PALLD: variants seen among roughly 807,000 people sequenced by gnomAD.
The protein encoded by PALLD is palladin.
A neutral mutation model predicts 123.5 loss-of-function variants in PALLD; 61 were observed. The observed-to-expected ratio is 0.49, with a 90% CI of 0.40 to 0.61. The LOEUF (loss-of-function observed/expected upper bound fraction) is 0.61, where lower values mean the gene tolerates loss of function less well. Ranked by LOEUF, PALLD falls within the 20% of genes least tolerant of loss-of-function variation. The pLI, the probability that PALLD is intolerant of heterozygous loss-of-function variation, is 0.00. For missense variants in PALLD, 1,273 were observed against 1,377.0 expected (o/e 0.92, Z 1.20); for synonymous variants, 465 against 496.4 (o/e 0.94, Z 0.84).
chr4:168,569,818 A>G lies in PALLD; in HGVS notation c.908+57406A>G, dbSNP rs113416206. 8.0e-3 allele frequency among the ~76,000 whole-genome samples: 1,219 copies of G among 152,220 alleles called. 9 individuals carry two copies. Among genetic ancestry groups the G allele is most frequent in the African/African-American group, 0.028 (1,143 of 41,524 alleles). On this transcript the variant is annotated intron_variant, in intron 2 of 21. Coordinates refer to ENST00000505667, the MANE Select transcript of PALLD (RefSeq NM_001166108.2). ...TTTGTATAAATTGACCACACCCTTC[A>G]TTAACTCTTCTGCTGCCTAGAAAAT...
chr4:168,584,952 G>C (rs1019234343), intron 2 of PALLD, among the ~76,000 whole-genome samples: 3 of 152,192 alleles, frequency 2.0e-5, no homozygotes, highest in Non-Finnish European at 4.4e-5. Flanking sequence ...GGAATGTCTA[G>C]TAGAGTTCCC....
At chr4:168,778,850 A>G (rs1735520277) in intron 10 of PALLD, among the ~76,000 whole-genome samples, 1 of 152,220 alleles carries the variant, frequency 6.6e-6, no homozygotes, top group African/African-American at 2.4e-5. Context: ...TTGTACAGGC[A>G]GAGTCTCACT....
At chr4:168,561,875 G>GA (rs904228393) in intron 2 of PALLD, among the ~76,000 whole-genome samples, 6 of 151,408 alleles carry the variant, frequency 4.0e-5, no homozygotes, top group Admixed American at 1.3e-4. Context: ...ATGTCCGTGG[G>GA]AAAAAAAAGA....
Position 168,925,229 on chromosome 4 carries a change from G to T in PALLD, c.3359-4G>T. 3 of 1,605,476 alleles carry T rather than the reference G, an allele frequency of 1.9e-6. No individual in the cohort carries two copies. The highest frequency in any genetic ancestry group is 2.6e-6 in the Non-Finnish European group (3 of 1,172,346). ...TATTGCTCTCTCTCTCTTTCTATTT[G>T]TAGTTTCTCGACATTAATAGTGAAC... On this transcript the variant is annotated splice_region_variant and splice_polypyrimidine_tract_variant and intron_variant, in intron 20 of 21. Coordinates refer to ENST00000505667, the MANE Select transcript of PALLD (RefSeq NM_001166108.2).
intron 21 of PALLD, 77 bp downstream of exon 21, chr4:168,925,355 T>C: frequency 9.0e-7 from 1 of 1,110,300 alleles, no homozygotes; most frequent in Non-Finnish European, 1.4e-6. Flanking sequence ...AGTTGTGGCT[T>C]CCTTACTCAA....
At chr4:168,727,560 A>G (rs978636283) in intron 10 of PALLD, among the ~76,000 whole-genome samples, 4 of 151,628 alleles carry the variant, frequency 2.6e-5, no homozygotes, top group Admixed American at 2.6e-4. Flanking sequence ...TTTAAATGGG[A>G]TTCTTTTTTA....
intron 10 of PALLD, among the ~76,000 whole-genome samples, chr4:168,794,613 T>A (rs1028254380): frequency 3.3e-5 from 5 of 152,038 alleles, no homozygotes; most frequent in Non-Finnish European, 7.4e-5. Context: ...AACTGATTTC[T>A]GGCTCTGTGG....
At chr4:168,588,655 G>A (rs1359807438) in intron 2 of PALLD, among the ~76,000 whole-genome samples, 3 of 152,084 alleles carry the variant, frequency 2.0e-5, no homozygotes, top group South Asian at 2.1e-4. Context: ...TGATCTGCCC[G>A]CCTCAGCCTC....
chr4:168,728,667 C>T (rs1245315786), intron 10 of PALLD, among the ~76,000 whole-genome samples: 1 of 152,096 alleles, frequency 6.6e-6, no homozygotes, highest in Non-Finnish European at 1.5e-5. Context: ...AATTTGAATT[C>T]CTTTTTTCCT....
intron 10 of PALLD, among the ~76,000 whole-genome samples, chr4:168,754,214 ACCTCAGGAG>A (rs1365909312): frequency 6.6e-6 from 1 of 152,204 alleles, no homozygotes; most frequent in African/African-American, 2.4e-5. Context: ...GCTAATCTAT[ACCTCAGGAG>A]CCTCATCTCC....
chr4:168,545,531 A>G (rs1210999286), intron 2 of PALLD, among the ~76,000 whole-genome samples: 3 of 150,152 alleles, frequency 2.0e-5, no homozygotes, highest in African/African-American at 7.3e-5. Flanking sequence ...CTCTGTCTCA[A>G]AAAAAAAAAG....
intron 2 of PALLD, among the ~76,000 whole-genome samples, chr4:168,626,714 G>GAAAAAA (rs767084915): frequency 1.0e-5 from 1 of 100,384 alleles, no homozygotes; most frequent in Non-Finnish European, 2.1e-5. Context: ...CTGCCTCCAG[G>GAAAAAA]AAAAAAAAAA....
At chr4:168,761,579 G>GCCT (rs1732835617) in intron 10 of PALLD, among the ~76,000 whole-genome samples, 1 of 147,792 alleles carries the variant, frequency 6.8e-6, no homozygotes, top group Admixed American at 7.0e-5. Context: ...TCCTGCCTCA[G>GCCT]CCTCCTGAGT....
At chr4:168,750,339 G>T (rs571050241) in intron 10 of PALLD, among the ~76,000 whole-genome samples, 131 of 152,276 alleles carry the variant, frequency 8.6e-4, no homozygotes, top group Non-Finnish European at 1.5e-3. Flanking sequence ...CATCCATGTT[G>T]CTGCAAAGGA....
chr4:168,812,552 G>A (rs1429093173), intron 10 of PALLD, among the ~76,000 whole-genome samples: 1 of 152,180 alleles, frequency 6.6e-6, no homozygotes, highest in Admixed American at 6.5e-5. Flanking sequence ...CCAGATGTCA[G>A]GCGAGAATGC....
chr4:168,707,342 G>A (rs1202368101), intron 8 of PALLD, among the ~76,000 whole-genome samples: 1 of 152,212 alleles, frequency 6.6e-6, no homozygotes, highest in African/African-American at 2.4e-5. Flanking sequence ...GGTTTTTGTG[G>A]TCTGTGCCAG....
chr4:168,613,230 T>G (rs1773905072), intron 2 of PALLD, among the ~76,000 whole-genome samples: 1 of 152,168 alleles, frequency 6.6e-6, no homozygotes, highest in South Asian at 2.1e-4. Flanking sequence ...ATGCAGGACA[T>G]TCAGTGCTGA....
At position 168,774,514 on chromosome 4, in the gene PALLD, G is replaced by A. The variant is rs148258640; in HGVS notation, c.1964+62591G>A. Among the ~76,000 whole-genome samples the A allele has an allele frequency of 5.2e-3, 787 of 152,152 alleles. 7 individuals are homozygous for A. Among genetic ancestry groups the A allele is most frequent in the African/African-American group, 0.018 (758 of 41,496 alleles). Reference sequence around the variant, plus strand: ...AGGCCAAGGCAGGCGGATCACTGGAGGTCAGGAGTTTGAGACCAGCCTGGC... The same window carrying A: ...AGGCCAAGGCAGGCGGATCACTGGAAGTCAGGAGTTTGAGACCAGCCTGGC... On this transcript the variant is annotated intron_variant, in intron 10 of 21. Transcript: ENST00000505667.
intron 10 of PALLD, among the ~76,000 whole-genome samples, chr4:168,870,397 A>G (rs1750920236): frequency 6.6e-6 from 1 of 152,234 alleles, no homozygotes; most frequent in Non-Finnish European, 1.5e-5. Flanking sequence ...TTCACAGAAC[A>G]GATTATTCAC....
Sources: allele counts gnomAD v4.1 joint callset (sites outside exome capture counted in the v4.1 genomes callset), GRCh38; gene constraint gnomAD v4.1.1; transcripts MANE v1.5; gene names NCBI Gene and HGNC (gene_info 2026-07-23, HGNC 2026-07-21).